MYO3A: variants seen among roughly 807,000 people sequenced by gnomAD.
MYO3A encodes myosin-IIIa.
A neutral mutation model predicts 192.7 loss-of-function variants in MYO3A; 180 were observed. The ratio of observed to expected loss-of-function variants is 0.93; its 90% CI spans 0.83 to 1.06. The LOEUF (loss-of-function observed/expected upper bound fraction) is 1.06. Among genes scored for constraint, MYO3A ranks in the 50% least tolerant of loss-of-function variants. The pLI, the probability that MYO3A is intolerant of heterozygous loss-of-function variation, is 0.00. For synonymous variants in MYO3A, 628 were observed against 645.3 expected, an observed-to-expected ratio of 0.97 and a Z score of 0.41; for missense variants, 1,896 against 1,905.0, an observed-to-expected ratio of 1.00 and a Z score of 0.09.
At chr10:26,147,092 C>A (rs1185921528) in intron 22 of MYO3A, among the ~76,000 whole-genome samples, 2 of 152,146 alleles carry the variant, frequency 1.3e-5, no homozygotes, top group Non-Finnish European at 2.9e-5. Context: ...AATAGGAATG[C>A]CTTTGTGGCT....
intron 6 of MYO3A, among the ~76,000 whole-genome samples, chr10:26,006,470 T>TC (rs1841214859): frequency 2.0e-5 from 3 of 150,148 alleles, no homozygotes; most frequent in Non-Finnish European, 4.5e-5. Flanking sequence ...TCAACAAAAT[T>TC]GATAGACTGC....
intron 32 of MYO3A, among the ~76,000 whole-genome samples, chr10:26,199,523 T>C (rs1843581113): frequency 6.6e-6 from 1 of 151,962 alleles, no homozygotes; most frequent in Non-Finnish European, 1.5e-5. Context: ...TGAGCCGAGA[T>C]TGCACTGCTG....
intron 31 of MYO3A, among the ~76,000 whole-genome samples, chr10:26,177,826 A>G (rs1842408019): frequency 6.6e-6 from 1 of 152,212 alleles, no homozygotes; most frequent in South Asian, 2.1e-4. Flanking sequence ...TCCCTGAAAA[A>G]ATCTCTGAGG....
chr10:26,079,316 C>T (rs778252181), intron 14 of MYO3A, among the ~76,000 whole-genome samples: 3 of 152,086 alleles, frequency 2.0e-5, no homozygotes, highest in Non-Finnish European at 4.4e-5. Flanking sequence ...ATAATAGCTA[C>T]CCCTGCTTGC....
In MYO3A at chr10:25,955,021, G is replaced by A; in HGVS notation, c.303+13G>A. On this transcript the variant is annotated intron_variant, in intron 4 of 34. Coordinates refer to ENST00000642920, the MANE Select transcript of MYO3A (RefSeq NM_017433.5). ...GTTGGTTCTTGAGGTAAGTGTGTCAGCATCATTTGTATGGGTGGAAACTTA... is the reference window on the plus strand; with the variant it reads ...GTTGGTTCTTGAGGTAAGTGTGTCAACATCATTTGTATGGGTGGAAACTTA... 1 of 1,612,186 alleles carries A rather than the reference G, an allele frequency of 6.2e-7. No homozygotes were observed. The highest frequency in any genetic ancestry group is 2.2e-5 in the East Asian group (1 of 44,762).
chr10:26,178,591 C>A (rs1483264798), intron 31 of MYO3A, among the ~76,000 whole-genome samples: 2 of 150,468 alleles, frequency 1.3e-5, no homozygotes, highest in African/African-American at 4.9e-5. Flanking sequence ...AGAACAACAA[C>A]AACAAGGGAC....
intron 17 of MYO3A, among the ~76,000 whole-genome samples, chr10:26,097,406 T>C (rs74669633): frequency 0.1 from 15,681 of 152,124 alleles, 878 homozygotes; most frequent in Non-Finnish European, 0.12. Flanking sequence ...TTTAATTATA[T>C]TTTAACTTCT....
At chr10:26,110,939 A>G (rs560042421) in intron 17 of MYO3A, among the ~76,000 whole-genome samples, 23 of 149,386 alleles carry the variant, frequency 1.5e-4, no homozygotes, top group Admixed American at 4.7e-4. Flanking sequence ...AGTACAGCTC[A>G]CTGTAGTTTC....
chr10:25,936,652 A>G (rs2130785947), intron 2 of MYO3A, among the ~76,000 whole-genome samples: 1 of 152,306 alleles, frequency 6.6e-6, no homozygotes, highest in East Asian at 1.9e-4. Context: ...ACACATTGGG[A>G]GTTAGGAACC....
At chr10:26,140,775 AAAAT>A (rs1053648987) in intron 20 of MYO3A, among the ~76,000 whole-genome samples, 4 of 152,168 alleles carry the variant, frequency 2.6e-5, no homozygotes, top group African/African-American at 9.7e-5. Context: ...TTTCCTGAAG[AAAAT>A]ATATATAAAA....
At chr10:26,146,611 T>C (rs1196695156) in intron 22 of MYO3A, among the ~76,000 whole-genome samples, 2 of 152,202 alleles carry the variant, frequency 1.3e-5, no homozygotes, top group African/African-American at 2.4e-5. Context: ...CCTGCTCTTA[T>C]AAGAACACAA....
intron 32 of MYO3A, among the ~76,000 whole-genome samples, chr10:26,200,051 G>C (rs527457557): frequency 1.3e-5 from 2 of 152,306 alleles, no homozygotes; most frequent in South Asian, 2.1e-4. Context: ...TAGGGCATTG[G>C]ATCAAGAATG....
intron 34 of MYO3A, among the ~76,000 whole-genome samples, chr10:26,206,818 A>G (rs1193191382): frequency 6.6e-6 from 1 of 152,212 alleles, no homozygotes; most frequent in Non-Finnish European, 1.5e-5. Flanking sequence ...ATTCCCACCA[A>G]TGATGTGCAA....
intron 7 of MYO3A, among the ~76,000 whole-genome samples, chr10:26,020,624 A>G (rs1842252553): frequency 1.3e-5 from 2 of 152,216 alleles, no homozygotes; most frequent in South Asian, 4.1e-4. Flanking sequence ...TGGCATGTAC[A>G]AAACATAAAA....
intron 4 of MYO3A, among the ~76,000 whole-genome samples, chr10:25,965,519 C>T (rs1234447708): frequency 2.0e-5 from 3 of 151,998 alleles, no homozygotes; most frequent in African/African-American, 7.3e-5. Context: ...GACGTGATGC[C>T]AGCACTCCCT....
At chr10:25,947,350 A>C (rs1836908246) in intron 2 of MYO3A, among the ~76,000 whole-genome samples, 1 of 146,460 alleles carries the variant, frequency 6.8e-6, no homozygotes, top group African/African-American at 2.7e-5. Flanking sequence ...CTATTCTCTG[A>C]AAAAAAATGC....
chr10:26,012,180 A>C (rs532085691), intron 6 of MYO3A, among the ~76,000 whole-genome samples: 2 of 152,260 alleles, frequency 1.3e-5, no homozygotes, highest in African/African-American at 2.4e-5. Flanking sequence ...TTCCCCCTGA[A>C]CAGGAACAAG....
chr10:26,067,637 C>T (rs1378546072), intron 11 of MYO3A, among the ~76,000 whole-genome samples: 1 of 151,936 alleles, frequency 6.6e-6, no homozygotes, highest in Non-Finnish European at 1.5e-5. Context: ...GTATTGAATT[C>T]TGCTTGGAAC....
chr10:25,965,561 C>T (rs572895668), intron 4 of MYO3A, among the ~76,000 whole-genome samples: 10 of 152,194 alleles, frequency 6.6e-5, no homozygotes, highest in African/African-American at 1.9e-4. Context: ...CAGTTCGTTG[C>T]GTGATCCCCG....
Sources: allele counts gnomAD v4.1 joint callset (sites outside exome capture counted in the v4.1 genomes callset), GRCh38; gene constraint gnomAD v4.1.1; transcripts MANE v1.5; gene names NCBI Gene and HGNC (gene_info 2026-07-23, HGNC 2026-07-21).